The following FOXP1 variants were observed in gnomAD, a reference collection of about 807,000 sequenced individuals.
FOXP1 encodes forkhead box protein P1.
Under a neutral mutation model 98.2 loss-of-function variants are expected in FOXP1, and 15 were observed. That is an observed-to-expected ratio of 0.15 (90% CI 0.10 to 0.24). FOXP1 has a LOEUF of 0.24. FOXP1 is among the 10% of genes least tolerant of loss of function. The probability of loss-of-function intolerance (pLI) is 1.00; values close to 1 mark genes in which losing one functional copy is unlikely to be tolerated. For missense variants in FOXP1, 633 were observed against 848.5 expected (o/e 0.75, Z 3.15); for synonymous variants, 371 against 314.5 (o/e 1.18, Z -1.90).
chr3:71,481,666 G>A (rs2090286948), intron 3 of FOXP1, among the ~76,000 whole-genome samples: 1 of 152,088 alleles, frequency 6.6e-6, no homozygotes, highest in South Asian at 2.1e-4. Context: ...CTGACTTGGT[G>A]ACAATCAGAA....
At position 71,137,874 on chromosome 3, in the gene FOXP1, TCC is replaced by T. The variant is rs1487418925; in HGVS notation, c.181-25239_181-25238del. Among the ~76,000 whole-genome samples, 5 of 152,000 alleles carry T rather than the reference TCC, an allele frequency of 3.3e-5. No individual in the cohort carries two copies. The East Asian group carries it at 9.6e-4, about 29-fold the overall frequency. The stretch of plus-strand genomic sequence containing the variant: ...AGATTTCTATACAAGTTGTGCCTTC[TCC>T]CCTTCCCTCCTCCTGTGAATACAGA... On this transcript the variant is annotated intron_variant, in intron 6 of 20. Coordinates refer to ENST00000649528, the MANE Select transcript of FOXP1 (RefSeq NM_001349338.3).
chr3:70,977,514 T>TA (rs1330254613), intron 16 of FOXP1, 129 bp downstream of exon 16: 4 of 759,662 alleles, frequency 5.3e-6, no homozygotes, highest in South Asian at 4.7e-5. Context: ...ATTGCAGTTT[T>TA]AAAAAACCTT....
Position 70,966,018 on chromosome 3 carries a change from G to C in FOXP1, c.1761C>G (p.Thr587=). ...MAENSIPLYT[T]ASMGNPTLGN... is the part of the protein sequence containing the mutation. ...CCAGAGTGGGATTTCCCATGGAAGC[G>C]GTAGTGTATAGAGGTATACTATTCT... Residue 587 remains threonine, a synonymous_variant, in exon 20 of 21, where the codon ACC becomes ACG. Coordinates refer to ENST00000649528, the MANE Select transcript of FOXP1 (RefSeq NM_001349338.3). 2 of 1,614,088 alleles carry C rather than the reference G, an allele frequency of 1.2e-6. No homozygotes were observed. Among genetic ancestry groups the C allele is most frequent in the Non-Finnish European group, 1.7e-6 (2 of 1,179,998 alleles).
chr3:71,506,831 T>C (rs971060692), intron 2 of FOXP1, among the ~76,000 whole-genome samples: 10 of 152,216 alleles, frequency 6.6e-5, no homozygotes, highest in African/African-American at 2.4e-4. Context: ...AACGTTGCCA[T>C]AGAGTAGCCT....
intron 6 of FOXP1, among the ~76,000 whole-genome samples, chr3:71,158,161 C>T (rs200217546): frequency 1.1e-4 from 1 of 8,944 alleles, no homozygotes; most frequent in Non-Finnish European, 2.9e-4. Context: ...GGGAGGGAGG[C>T]AGGGAAGGAA....
chr3:71,250,253 G>A (rs951344887), intron 5 of FOXP1, among the ~76,000 whole-genome samples: 3 of 152,188 alleles, frequency 2.0e-5, no homozygotes, highest in Admixed American at 2.0e-4. Context: ...CCCTGCTGGG[G>A]AAAGTCATTC....
rs80012547 is a variant in FOXP1 at position 71,548,852 on chromosome 3, T to C, written c.-298+32697A>G. Among the ~76,000 whole-genome samples the C allele has an allele frequency of 6.6e-3, 1,003 of 152,346 alleles. 10 individuals carry two copies. Among genetic ancestry groups the C allele is most frequent in the African/African-American group, 0.023 (952 of 41,574 alleles). ...ACTAATATTTCATCAGCATGTGCTA[T>C]GTAAAAAGTAGTCAGCATTTTGTTT... On this transcript the variant is annotated intron_variant, in intron 2 of 20. Transcript: ENST00000649528.
chr3:71,116,965 C>T (rs2058417120), intron 6 of FOXP1, among the ~76,000 whole-genome samples: 1 of 152,196 alleles, frequency 6.6e-6, no homozygotes, highest in South Asian at 2.1e-4. Context: ...GAATCTGTGT[C>T]AGAGACCTAT....
At chr3:71,345,723 A>C (rs971082625) in intron 4 of FOXP1, among the ~76,000 whole-genome samples, 1 of 152,022 alleles carries the variant, frequency 6.6e-6, no homozygotes, top group Non-Finnish European at 1.5e-5. Flanking sequence ...ATTTCCTTTC[A>C]GCACTGCTGA....
intron 5 of FOXP1, among the ~76,000 whole-genome samples, chr3:71,261,482 A>C (rs1445491914): frequency 2.0e-4 from 30 of 152,138 alleles, no homozygotes; most frequent in Non-Finnish European, 2.6e-4. Context: ...TAGTTAGACC[A>C]AAATATTATA....
chr3:71,552,554 C>G (rs2045855714), intron 2 of FOXP1, among the ~76,000 whole-genome samples: 1 of 151,110 alleles, frequency 6.6e-6, no homozygotes. Flanking sequence ...TTATTTTTAA[C>G]AAAAAATTCC....
At chr3:71,536,785 G>C (rs1212885883) in intron 2 of FOXP1, among the ~76,000 whole-genome samples, 1 of 152,108 alleles carries the variant, frequency 6.6e-6, no homozygotes, top group Non-Finnish European at 1.5e-5. Context: ...AATGTGCCAT[G>C]ATGCAAATCC....
rs557876952 is a variant in FOXP1 at position 71,055,161 on chromosome 3, A to T, written c.283-1388T>A. Among the ~76,000 whole-genome samples the T allele has an allele frequency of 1.4e-4, 21 of 152,298 alleles. No individual in the cohort carries two copies. The South Asian group carries it at 4.3e-3, about 32-fold the overall frequency. The stretch of plus-strand genomic sequence containing the variant: ...ATTTGCATAGCGAGCTCTCATTCCT[A>T]ATTTCACAGTCATTATGCACTGATG... On this transcript the variant is annotated intron_variant, in intron 7 of 20. Transcript: ENST00000649528.
chr3:71,497,523 C>A (rs2091501455), intron 2 of FOXP1, among the ~76,000 whole-genome samples: 1 of 152,164 alleles, frequency 6.6e-6, no homozygotes, highest in Non-Finnish European at 1.5e-5. Flanking sequence ...ATATCAATCA[C>A]CAAGGCCATG....
chr3:71,209,833 C>T (rs954759649), intron 5 of FOXP1, among the ~76,000 whole-genome samples: 1 of 152,098 alleles, frequency 6.6e-6, no homozygotes, highest in East Asian at 1.9e-4. Flanking sequence ...TACTTTAACA[C>T]CATTAATTTA....
intron 5 of FOXP1, among the ~76,000 whole-genome samples, chr3:71,212,854 C>T (rs975224062): frequency 6.6e-6 from 1 of 151,352 alleles, no homozygotes. Context: ...ATGGTGTCTA[C>T]GTAATGGGAA....
At chr3:71,124,734 C>A (rs1488369700) in intron 6 of FOXP1, among the ~76,000 whole-genome samples, 1 of 151,676 alleles carries the variant, frequency 6.6e-6, no homozygotes, top group Admixed American at 6.6e-5. Context: ...GTCCTTAGCA[C>A]AGCACCTGAA....
rs1300985685 is a variant in FOXP1 at position 71,047,027 on chromosome 3, C to T, written c.579G>A (p.Gln193=). 6.2e-7 allele frequency: 1 copy of T among 1,614,114 alleles called. No homozygotes were observed. The highest frequency in any genetic ancestry group is 8.5e-7 in the Non-Finnish European group (1 of 1,179,964). Residue 193 remains glutamine, a synonymous_variant, in exon 10 of 21, where the codon CAG becomes CAA. Coordinates refer to ENST00000649528, the MANE Select transcript of FOXP1 (RefSeq NM_001349338.3). The stretch of plus-strand genomic sequence containing the variant: ...GGCGCTGCAAAGACAGGAGGTGCTG[C>T]TGCTGTAACTGCTGCATCTGTAAAA... ...QQLLQMQQLQ[Q]QHLLSLQRQG... is the part of the protein sequence containing the mutation.
intron 6 of FOXP1, among the ~76,000 whole-genome samples, chr3:71,168,972 T>C (rs1168386744): frequency 1.3e-5 from 2 of 152,236 alleles, no homozygotes; most frequent in African/African-American, 4.8e-5. Flanking sequence ...TCAGTGCTGC[T>C]GAGCCCGCAT....
Sources: gnomAD v4.1 joint callset for allele counts (sites outside exome capture counted in the v4.1 genomes callset) on GRCh38, gnomAD v4.1.1 for gene constraint, MANE v1.5 for transcripts, NCBI Gene and HGNC (gene_info 2026-07-23, HGNC 2026-07-21) for gene names.